ENTREP2: variants seen among roughly 807,000 people sequenced by gnomAD.
The protein encoded by ENTREP2 is endosomal transmembrane epsin interactor 2.
chr15:29,232,513 T>TG, the ENTREP2 span, among the ~76,000 whole-genome samples: 6 of 151,772 alleles, frequency 4.0e-5, no homozygotes, highest in South Asian at 2.1e-4. Flanking sequence ...TTTAAAGAGA[T>TG]GGGGGGTCTC....
the ENTREP2 span, among the ~76,000 whole-genome samples, chr15:29,556,211 C>T: frequency 1.8e-3 from 272 of 152,266 alleles, no homozygotes; most frequent in Admixed American, 3.3e-3. Flanking sequence ...GAGCCGTGAT[C>T]CTGCCACTGC....
the ENTREP2 span, among the ~76,000 whole-genome samples, chr15:29,531,308 C>G: frequency 6.6e-6 from 1 of 152,190 alleles, no homozygotes; most frequent in Non-Finnish European, 1.5e-5. Flanking sequence ...TTTACCAGGG[C>G]TCTTTGCAGA....
At chr15:29,439,385 A>T in the ENTREP2 span, among the ~76,000 whole-genome samples, 2 of 152,036 alleles carry the variant, frequency 1.3e-5, no homozygotes, top group African/African-American at 4.8e-5. Context: ...CCAAAGGTCA[A>T]ATAACTTGAG....
the ENTREP2 span, among the ~76,000 whole-genome samples, chr15:29,312,261 T>TA: frequency 6.6e-6 from 1 of 151,914 alleles, no homozygotes; most frequent in African/African-American, 2.4e-5. Flanking sequence ...AAGTTAAAAT[T>TA]ATCTTTATTT....
the ENTREP2 span, among the ~76,000 whole-genome samples, chr15:29,382,933 G>A: frequency 3.3e-5 from 5 of 152,114 alleles, no homozygotes; most frequent in Non-Finnish European, 5.9e-5. Context: ...GACAAAGCTC[G>A]GTCCCCATCA....
the ENTREP2 span, among the ~76,000 whole-genome samples, chr15:29,377,324 G>A: frequency 6.6e-6 from 1 of 152,046 alleles, no homozygotes. Flanking sequence ...AACCATGAAG[G>A]GCTTAACGAA....
chr15:29,171,633 C>G, the ENTREP2 span, among the ~76,000 whole-genome samples: 20 of 151,868 alleles, frequency 1.3e-4, no homozygotes, highest in Admixed American at 1.2e-3. Context: ...TTAGCAATAC[C>G]CGATTAGCAA....
At chr15:29,319,030 T>C in the ENTREP2 span, among the ~76,000 whole-genome samples, 65 of 152,324 alleles carry the variant, frequency 4.3e-4, 2 homozygotes, top group African/African-American at 1.5e-3. Flanking sequence ...GTACCTACTC[T>C]ATTCAAAACA....
At chr15:29,517,564 T>G in the ENTREP2 span, among the ~76,000 whole-genome samples, 32 of 152,154 alleles carry the variant, frequency 2.1e-4, no homozygotes. Flanking sequence ...TCTATAGCCT[T>G]TTCTACTTGA....
chr15:29,476,753 A>G, the ENTREP2 span, among the ~76,000 whole-genome samples: 2 of 152,200 alleles, frequency 1.3e-5, no homozygotes. Context: ...CAGAGGTACC[A>G]AAGTGAGGGC....
the ENTREP2 span, among the ~76,000 whole-genome samples, chr15:29,346,054 A>G: frequency 6.6e-6 from 1 of 152,236 alleles, no homozygotes; most frequent in Non-Finnish European, 1.5e-5. Flanking sequence ...GCTGGTGAGC[A>G]GCAGAGCCAA....
the ENTREP2 span, among the ~76,000 whole-genome samples, chr15:29,177,413 T>C: frequency 6.6e-6 from 1 of 152,234 alleles, no homozygotes; most frequent in African/African-American, 2.4e-5. Context: ...ATATTGGTGG[T>C]TGTTTTCTTG....
the ENTREP2 span, among the ~76,000 whole-genome samples, chr15:29,139,476 C>T: frequency 2.6e-5 from 4 of 152,222 alleles, no homozygotes; most frequent in Non-Finnish European, 5.9e-5. Flanking sequence ...GAAATATTTT[C>T]AATTAGTCTC....
At chr15:29,249,916 G>C in the ENTREP2 span, among the ~76,000 whole-genome samples, 6 of 152,034 alleles carry the variant, frequency 3.9e-5, no homozygotes, top group Admixed American at 3.9e-4. Flanking sequence ...GAGAAAGCAA[G>C]GAAGGGAGGT....
At chr15:29,312,526 T>A in the ENTREP2 span, among the ~76,000 whole-genome samples, 195 of 152,344 alleles carry the variant, frequency 1.3e-3, 1 homozygote, top group African/African-American at 4.2e-3. Context: ...GCTTACTTTG[T>A]CTCTGAGTCA....
the ENTREP2 span, among the ~76,000 whole-genome samples, chr15:29,542,892 A>G: frequency 6.6e-6 from 1 of 152,224 alleles, no homozygotes; most frequent in Non-Finnish European, 1.5e-5. Flanking sequence ...ATGTCATAGT[A>G]TGTGTCAGAA....
chr15:29,133,760 C>A, the ENTREP2 span, among the ~76,000 whole-genome samples: 1 of 152,192 alleles, frequency 6.6e-6, no homozygotes, highest in South Asian at 2.1e-4. Context: ...ATTTCCCAGG[C>A]CCCAGTGACA....
At chr15:29,494,203 GA>G in the ENTREP2 span, among the ~76,000 whole-genome samples, 25 of 147,706 alleles carry the variant, frequency 1.7e-4, no homozygotes, top group South Asian at 8.5e-4. Flanking sequence ...AAGACTATAG[GA>G]AAAAAAAAAA....
the ENTREP2 span, among the ~76,000 whole-genome samples, chr15:29,168,100 T>C: frequency 1.1e-4 from 16 of 152,110 alleles, no homozygotes; most frequent in African/African-American, 1.4e-4. Context: ...TACGTTCTCA[T>C]TGATATGTGG....
Sources: allele counts gnomAD v4.1 joint callset (sites outside exome capture counted in the v4.1 genomes callset), GRCh38; gene constraint gnomAD v4.1.1; transcripts MANE v1.5; gene names NCBI Gene and HGNC (gene_info 2026-07-23, HGNC 2026-07-21).